The following PNO1 variants were observed in gnomAD, a reference collection of about 807,000 sequenced individuals.
PNO1 encodes the protein partner of NOB1 homolog.
Under a neutral mutation model 28.4 loss-of-function variants are expected in PNO1, and 16 were observed. The observed-to-expected ratio is 0.56, with a 90% CI of 0.38 to 0.85. The LOEUF is 0.85. Ranked by LOEUF, PNO1 falls within the 40% of genes least tolerant of loss-of-function variation. The probability of loss-of-function intolerance (pLI) is 0.00; values close to 1 mark genes in which losing one functional copy is unlikely to be tolerated. For synonymous variants in PNO1, 115 were observed against 110.8 expected (o/e 1.04, Z -0.24); for missense variants, 304 against 312.2 (o/e 0.97, Z 0.20).
At chr2:68,173,245 G>T in intron 5 of PNO1, 102 bp from the exon 6 acceptor site, 1 of 744,284 alleles carries the variant, frequency 1.3e-6, no homozygotes. Flanking sequence ...TCAGACTCCT[G>T]GCCACAAATG....
rs1300911175 is a variant in PNO1 at position 68,158,547 on chromosome 2, C to T, written c.357+18C>T. The T allele has an allele frequency of 1.2e-6, 2 of 1,604,484 alleles. No individual in the cohort carries two copies. The highest frequency in any genetic ancestry group is 2.2e-5 in the South Asian group (2 of 90,010). On this transcript the variant is annotated intron_variant, in intron 2 of 6. Coordinates refer to ENST00000263657, the MANE Select transcript of PNO1 (RefSeq NM_020143.4). ...AAATCAGGGTAAGGAAAATCTCAATCATTTCCCAATACACCAGGCTTTCTC... is the reference window on the plus strand; with the variant it reads ...AAATCAGGGTAAGGAAAATCTCAATTATTTCCCAATACACCAGGCTTTCTC...
At chr2:68,165,057 A>G (rs954510576) in intron 5 of PNO1, among the ~76,000 whole-genome samples, 1 of 152,040 alleles carries the variant, frequency 6.6e-6, no homozygotes, top group South Asian at 2.1e-4. Flanking sequence ...GTAGCCCTGA[A>G]AGCTTTCATG....
At chr2:68,173,521 T>G (rs532330121) in intron 6 of PNO1, 104 bp downstream of exon 6, 3 of 689,590 alleles carry the variant, frequency 4.4e-6, no homozygotes, top group Admixed American at 4.9e-5. Context: ...ATATTAAAGA[T>G]CGCAAGTAGA....
intron 5 of PNO1, among the ~76,000 whole-genome samples, chr2:68,168,296 C>T (rs1321872328): frequency 6.6e-6 from 1 of 152,156 alleles, no homozygotes; most frequent in Admixed American, 6.5e-5. Context: ...ACAATTAGAT[C>T]CTGTATGTTA....
rs1208612879 is a variant in PNO1, at chr2:68,158,565, G to A, written c.357+36G>A. On this transcript the variant is annotated intron_variant, in intron 2 of 6. Transcript: ENST00000263657. ...TCTCAATCATTTCCCAATACACCAG[G>A]CTTTCTCTCCTACAGAGATGAAAAG... The A allele has an allele frequency of 3.2e-6, 5 of 1,580,070 alleles. No individual in the cohort carries two copies. In the South Asian group the frequency reaches 5.7e-5, roughly 18 times the overall value.
At chr2:68,167,546 A>C (rs1389116141) in intron 5 of PNO1, among the ~76,000 whole-genome samples, 1 of 152,230 alleles carries the variant, frequency 6.6e-6, no homozygotes, top group African/African-American at 2.4e-5. Flanking sequence ...CATTTGCACA[A>C]AACAGTAAAG....
chr2:68,170,934 A>G (rs1010306423), intron 5 of PNO1, among the ~76,000 whole-genome samples: 5 of 152,100 alleles, frequency 3.3e-5, no homozygotes, highest in African/African-American at 1.2e-4. Flanking sequence ...ACCATCAAAG[A>G]TGAAGATTTA....
At chr2:68,174,512 T>C in intron 6 of PNO1, among the ~76,000 whole-genome samples, 1 of 152,202 alleles carries the variant, frequency 6.6e-6, no homozygotes, top group Non-Finnish European at 1.5e-5. Flanking sequence ...TTACATAGCA[T>C]TTGCATTGTA....
intron 5 of PNO1, among the ~76,000 whole-genome samples, chr2:68,168,009 T>G (rs146680868): frequency 1.3e-5 from 2 of 152,140 alleles, no homozygotes; most frequent in Admixed American, 1.3e-4. Flanking sequence ...ATCTATAAAT[T>G]TGGAGAGGAA....
rs1447727428 is a variant in PNO1, at chr2:68,175,366, C to A, written c.*564C>A. On this transcript the variant is annotated 3_prime_UTR_variant, in exon 7 of 7. Transcript: ENST00000263657. ...CCTCTGCCTCCTGAGTTCAAGTGAT[C>A]CTCCTGCTTCAGCCTCCCTAGTAGC... 1 of 152,314 alleles carries A rather than the reference C, an allele frequency of 6.6e-6. No individual in the cohort carries two copies. The highest frequency in any genetic ancestry group is 1.9e-4 in the East Asian group (1 of 5,184). 9.4% of individuals were successfully genotyped at this position (152,314 alleles called of 1,614,324 possible).
At chr2:68,165,389 A>AT (rs1180138841) in intron 5 of PNO1, among the ~76,000 whole-genome samples, 1 of 133,254 alleles carries the variant, frequency 7.5e-6, no homozygotes, top group East Asian at 2.1e-4. Flanking sequence ...ACAACAAAAA[A>AT]AAAAAAACTA....
chr2:68,165,034 A>G (rs964626170), intron 5 of PNO1, among the ~76,000 whole-genome samples: 25 of 149,946 alleles, frequency 1.7e-4, no homozygotes, highest in Non-Finnish European at 1.9e-4. Flanking sequence ...TCATCAAGTC[A>G]TGGACTGGCT....
Position 68,157,911 on chromosome 2 carries a change from G to A in PNO1, c.-24G>A, listed in dbSNP as rs762366736. On this transcript the variant is annotated 5_prime_UTR_variant, in exon 1 of 7. Coordinates refer to ENST00000263657, the MANE Select transcript of PNO1 (RefSeq NM_020143.4). The stretch of plus-strand genomic sequence containing the variant: ...GTGCAGCTGCGCACGTGTTTCAGCC[G>A]GCAGCGCTTTAAGATTTCCGGGGAT... 1.6e-5 allele frequency: 26 copies of A among 1,606,730 alleles called. No homozygotes were observed. The highest frequency in any genetic ancestry group is 2.0e-5 in the Non-Finnish European group (24 of 1,174,150).
chr2:68,175,181 CT>C lies in PNO1; in HGVS notation c.*382del, dbSNP rs946398891. On this transcript the variant is annotated 3_prime_UTR_variant, in exon 7 of 7. Transcript: ENST00000263657. ...ACTTCATACAAATTTATAAACATTT[CT>C]TTATAAATTGTAATTTAATAGATTA... 4 of 155,304 alleles carry C rather than the reference CT, an allele frequency of 2.6e-5. No homozygotes were observed. The highest frequency in any genetic ancestry group is 9.6e-5 in the African/African-American group (4 of 41,544). 9.6% of individuals were successfully genotyped at this position (155,304 alleles called of 1,614,324 possible).
intron 5 of PNO1, 84 bp from the exon 6 acceptor site, chr2:68,173,263 T>G (rs1674179003): frequency 2.5e-6 from 2 of 815,730 alleles, no homozygotes; most frequent in African/African-American, 3.4e-5. Flanking sequence ...ATGATCTACC[T>G]GCCTTGGCCT....
intron 2 of PNO1, among the ~76,000 whole-genome samples, chr2:68,159,470 T>C (rs1364525791): frequency 6.6e-6 from 1 of 152,024 alleles, no homozygotes; most frequent in Non-Finnish European, 1.5e-5. Flanking sequence ...CCTCCCAAAG[T>C]GCTGGGATTA....
chr2:68,164,469 C>T (rs770944802), intron 5 of PNO1, among the ~76,000 whole-genome samples: 7 of 151,978 alleles, frequency 4.6e-5, no homozygotes, highest in Admixed American at 1.3e-4. Context: ...CAACCCTGGG[C>T]GACAGAGTGA....
At chr2:68,160,144 AT>A (rs1326989268) in intron 2 of PNO1, among the ~76,000 whole-genome samples, 16 of 151,150 alleles carry the variant, frequency 1.1e-4, no homozygotes, top group South Asian at 8.4e-4. Context: ...AATTTTTTGT[AT>A]TTTTTAGTAG....
rs1250318914 is a variant in PNO1, at chr2:68,175,134, CT to C, written c.*336del. 1.1e-5 allele frequency: 2 copies of C among 176,960 alleles called. No homozygotes were observed. The highest frequency in any genetic ancestry group is 6.1e-5 in the Admixed American group (1 of 16,264). The allele number at this position is 176,960 out of a possible 1,614,324, so 11.0% of individuals were successfully genotyped here. On this transcript the variant is annotated 3_prime_UTR_variant, in exon 7 of 7. Coordinates refer to ENST00000263657, the MANE Select transcript of PNO1 (RefSeq NM_020143.4). ...TTAAACAGCTCTATATGGATTTATA[CT>C]TTTATATTTATAAATTTATAACTTC...
Sources: gnomAD v4.1 joint callset for allele counts (sites outside exome capture counted in the v4.1 genomes callset) on GRCh38, gnomAD v4.1.1 for gene constraint, MANE v1.5 for transcripts, NCBI Gene and HGNC (gene_info 2026-07-23, HGNC 2026-07-21) for gene names.